Variants in NF2 observed in about 807,000 individuals in gnomAD.
NF2 encodes the protein merlin.
NF2 carries 8 observed loss-of-function variants against 83.7 expected under a neutral mutation model. The ratio of observed to expected loss-of-function variants is 0.10; its 90% confidence interval spans 0.06 to 0.17. NF2 has a LOEUF of 0.17. Ranked by LOEUF, NF2 falls within the 10% of genes least tolerant of loss-of-function variation. NF2 has a pLI of 1.00. For synonymous variants in NF2, 266 were observed against 269.6 expected, an observed-to-expected ratio of 0.99 and a Z score of 0.13; for missense variants, 533 against 744.4, an observed-to-expected ratio of 0.72 and a Z score of 3.31.
intron 4 of NF2, among the ~76,000 whole-genome samples, chr22:29,653,867 C>T (rs779615757): frequency 3.9e-5 from 6 of 152,148 alleles, no homozygotes; most frequent in Admixed American, 6.5e-5. Flanking sequence ...AGCCACTGTA[C>T]GCTGATTGAT....
At chr22:29,689,953 G>C (rs1052060280) in intron 15 of NF2, among the ~76,000 whole-genome samples, 2 of 152,222 alleles carry the variant, frequency 1.3e-5, no homozygotes, top group African/African-American at 4.8e-5. Flanking sequence ...CCCCCAAAAG[G>C]GCTTTTAGAG....
chr22:29,644,462 T>C (rs1601594804), intron 4 of NF2, among the ~76,000 whole-genome samples: 1 of 124,646 alleles, frequency 8.0e-6, no homozygotes, highest in Admixed American at 8.1e-5. Flanking sequence ...GAGGGGCTCC[T>C]CACATCCCAG....
rs2147083212 is a variant in NF2 at position 29,673,397 on chromosome 22, T to A, written c.1251T>A (p.Ile417=). 6.2e-7 allele frequency: 1 copy of A among 1,612,272 alleles called. No individual in the cohort carries two copies. The highest frequency in any genetic ancestry group is 8.5e-7 in the Non-Finnish European group (1 of 1,179,506). ...TGCAGCGCATCAAGGCCACAGCGAT[T>A]CGCACGGAGGAGGAGAAGCGCCTGA... ...QEMQRIKATA[I]RTEEEKRLME... Residue 417 remains isoleucine, a synonymous_variant, in exon 12 of 16, where the codon ATT becomes ATA. Coordinates refer to ENST00000338641, the MANE Select transcript of NF2 (RefSeq NM_000268.4).
intron 4 of NF2, among the ~76,000 whole-genome samples, chr22:29,653,185 C>T (rs1001973538): frequency 3.3e-5 from 5 of 152,130 alleles, no homozygotes; most frequent in African/African-American, 1.2e-4. Context: ...GTGGCTGACG[C>T]CTGTAATCTC....
At chr22:29,692,205 G>A (rs777942014) in intron 15 of NF2, among the ~76,000 whole-genome samples, 13 of 152,300 alleles carry the variant, frequency 8.5e-5, no homozygotes, top group Non-Finnish European at 1.3e-4. Context: ...CCCTCTGACC[G>A]CCTCAGTGCC....
At chr22:29,610,597 T>C (rs1200375531) in intron 1 of NF2, among the ~76,000 whole-genome samples, 1 of 151,184 alleles carries the variant, frequency 6.6e-6, no homozygotes, top group Non-Finnish European at 1.5e-5. Context: ...TGAGCTGAGA[T>C]TGCGCCACTG....
rs1555996218 is a variant in NF2, at chr22:29,661,318, C to T, written c.789C>T (p.Asn263=). Residue 263 remains asparagine (N), a synonymous_variant, in exon 8 of 16, where the codon AAC becomes AAT. Transcript: ENST00000338641. ...CCTTCCCGTGGAATGAAATCCGAAA[C>T]ATCTCGTACAGTGACAAGGAGGTAG... The part of the protein sequence containing the change: ...KISFPWNEIR[N]ISYSDKEFTI... 1.9e-6 allele frequency: 3 copies of T among 1,614,192 alleles called. No homozygotes were observed. Among genetic ancestry groups the T allele is most frequent in the Non-Finnish European group, 2.5e-6 (3 of 1,180,040 alleles).
chr22:29,694,953 CCT>C lies in NF2; in HGVS notation c.*154_*155del. 1.3e-6 allele frequency: 1 copy of C among 775,704 alleles called. No individual in the cohort carries two copies. The allele number at this position is 775,704 out of a possible 1,614,324, so 48.1% of individuals were successfully genotyped here. ...CCCCAGCTGAGTGAAGAGCCCAGCCCCTCTTATGTGCAATTGCCTTGAACTAC... is the reference window on the plus strand; with the variant it reads ...CCCCAGCTGAGTGAAGAGCCCAGCCCCTTATGTGCAATTGCCTTGAACTAC... On this transcript the variant is annotated 3_prime_UTR_variant, in exon 16 of 16. Transcript: ENST00000338641. This position sits in a 1 kb window ranked among gnomAD's most constrained non-coding sequence, Gnocchi z 4.1.
chr22:29,657,359 A>G (rs556932765), intron 6 of NF2, among the ~76,000 whole-genome samples: 1 of 152,286 alleles, frequency 6.6e-6, no homozygotes, highest in Non-Finnish European at 1.5e-5. Context: ...TTATTTATTC[A>G]TTCTACTAAT....
chr22:29,609,014 T>A, intron 1 of NF2: 2 of 686,670 alleles, frequency 2.9e-6, no homozygotes, highest in Non-Finnish European at 2.7e-6. Context: ...CGGAATGTAA[T>A]GGATGAACAT....
intron 4 of NF2, among the ~76,000 whole-genome samples, chr22:29,645,903 T>A (rs557878862): frequency 4.0e-4 from 61 of 152,322 alleles, no homozygotes; most frequent in African/African-American, 1.4e-3. Flanking sequence ...ATGTTCTAGC[T>A]ATTTTTTCTG....
Position 29,655,834 on chromosome 22 carries a change from G to A in NF2, c.599+158G>A, listed in dbSNP as rs145072247. Among the ~76,000 whole-genome samples, 18 of 152,062 alleles carry A rather than the reference G, an allele frequency of 1.2e-4. No homozygotes were observed. In the East Asian group the frequency reaches 2.7e-3, roughly 23 times the overall value. On this transcript the variant is annotated intron_variant, in intron 6 of 15. Transcript: ENST00000338641. ...AGCTGGGGAGCTGGGAGTAACGTTG[G>A]TCTTCAGTTTTGTGTGTGTCCTTTT...
rs1427589827 is a variant in NF2, at chr22:29,655,654, G to A, written c.577G>A (p.Ala193Thr). The change falls in exon 6 of 16, where the codon GCA becomes ACA. Residue 193 changes from alanine (A) to threonine (T), a missense_variant. By Grantham distance (58) the Ala-to-Thr change is moderately conservative. Coordinates refer to ENST00000338641, the MANE Select transcript of NF2 (RefSeq NM_000268.4). ...GGAGGAGAGAATTACTGCTTGGTAC[G>A]CAGAGCACCGAGGCCGAGCCAGGTG... ...MWEERITAWY[A>T]EHRGRARDEA... 3 of 1,613,210 alleles carry A rather than the reference G, an allele frequency of 1.9e-6. No individual in the cohort carries two copies. Among genetic ancestry groups the A allele is most frequent in the Non-Finnish European group, 1.7e-6 (2 of 1,179,878 alleles).
chr22:29,694,749 C>G lies in NF2; in HGVS notation c.1738-3C>G. Reference sequence around the variant, plus strand: ...TCTCAGCTTCTTCTCTGCTTTCTTACAGCTCACCTTGCAGAGCGCCAAGTC... The same window carrying G: ...TCTCAGCTTCTTCTCTGCTTTCTTAGAGCTCACCTTGCAGAGCGCCAAGTC... On this transcript the variant is annotated splice_polypyrimidine_tract_variant and splice_region_variant and intron_variant, in intron 15 of 15. Transcript: ENST00000338641. The surrounding 1 kb of genome is among the most constrained non-coding windows in gnomAD (Gnocchi z 4.1). 1.2e-6 allele frequency: 2 copies of G among 1,613,776 alleles called. No homozygotes were observed. Among genetic ancestry groups the G allele is most frequent in the Non-Finnish European group, 1.7e-6 (2 of 1,179,862 alleles).
rs1251390910 is a variant in NF2 at position 29,694,981 on chromosome 22, G to A, written c.*179G>A. The A allele has an allele frequency of 3.6e-5, 24 of 672,096 alleles. No individual in the cohort carries two copies. Among genetic ancestry groups the A allele is most frequent in the South Asian group, 2.7e-4 (17 of 62,256 alleles). 41.6% of individuals were successfully genotyped at this position (672,096 alleles called of 1,614,324 possible). ...CTTATGTGCAATTGCCTTGAACTACGACCCTGTAGAGATTTCTCTCATGGC... is the reference window on the plus strand; with the variant it reads ...CTTATGTGCAATTGCCTTGAACTACAACCCTGTAGAGATTTCTCTCATGGC... On this transcript the variant is annotated 3_prime_UTR_variant, in exon 16 of 16. Transcript: ENST00000338641. This position sits in a 1 kb window ranked among gnomAD's most constrained non-coding sequence, Gnocchi z 4.1.
At chr22:29,685,261 CCA>C (rs939199464) in intron 15 of NF2, among the ~76,000 whole-genome samples, 2 of 151,472 alleles carry the variant, frequency 1.3e-5, no homozygotes, top group Non-Finnish European at 2.9e-5. Context: ...GTACTAGCCA[CCA>C]CACTCAACTA....
At chr22:29,658,065 T>C (rs1320222243) in intron 6 of NF2, 124 bp from the exon 7 acceptor site, 2 of 829,282 alleles carry the variant, frequency 2.4e-6, no homozygotes, top group East Asian at 2.6e-5. Flanking sequence ...TGCTGTGGCT[T>C]TTGTCTTCTG....
chr22:29,627,285 G>C (rs1420026341), intron 1 of NF2, among the ~76,000 whole-genome samples: 2 of 152,188 alleles, frequency 1.3e-5, no homozygotes, highest in Non-Finnish European at 2.9e-5. Context: ...AAGAGGTTAA[G>C]TGACTTACCC....
intron 1 of NF2, among the ~76,000 whole-genome samples, chr22:29,621,871 G>A (rs575057205): frequency 6.6e-6 from 1 of 152,078 alleles, no homozygotes; most frequent in Non-Finnish European, 1.5e-5. Flanking sequence ...CTCATTTGTT[G>A]CTTGGCAGAA....
Sources: allele counts gnomAD v4.1 joint callset (sites outside exome capture counted in the v4.1 genomes callset), GRCh38; gene constraint gnomAD v4.1.1; non-coding constraint Gnocchi (gnomAD v3.1); transcripts MANE v1.5; gene names NCBI Gene and HGNC (gene_info 2026-07-23, HGNC 2026-07-21).